The following CDH4 variants were observed in gnomAD, a reference collection of about 807,000 sequenced individuals.
CDH4 encodes the protein cadherin-4.
CDH4 carries 33 observed loss-of-function variants against 86.0 expected under a neutral mutation model. The observed-to-expected ratio is 0.38, with a 90% CI of 0.29 to 0.51. The LOEUF (loss-of-function observed/expected upper bound fraction) is 0.51. Ranked by LOEUF, CDH4 falls within the 20% of genes least tolerant of loss-of-function variation. The pLI, the probability that CDH4 is intolerant of heterozygous loss-of-function variation, is 0.86. For synonymous variants in CDH4, 555 were observed against 549.4 expected (o/e 1.01, Z -0.14); for missense variants, 1,114 against 1,307.4 (o/e 0.85, Z 2.28).
In CDH4 at chr20:61,807,843, C is replaced by T. The variant is rs1228762795; in HGVS notation, c.576+34661C>T. On this transcript the variant is annotated intron_variant, in intron 4 of 15. Transcript: ENST00000614565. The surrounding 1 kb of genome is among the most constrained non-coding windows in gnomAD (Gnocchi z 4.5). ...ACATATCCATGCAGGATGGTCAGTA[C>T]TGTCGCTTTCGTTAGGTTAGAGGCC... is the stretch of plus-strand genomic sequence containing the variant. 3.3e-5 allele frequency among the ~76,000 whole-genome samples: 5 copies of T among 152,198 alleles called. No individual in the cohort carries two copies. Among genetic ancestry groups the T allele is most frequent in the Non-Finnish European group, 7.3e-5 (5 of 68,028 alleles).
At chr20:61,885,281 C>A (rs1361813342) in intron 7 of CDH4, among the ~76,000 whole-genome samples, 1 of 152,204 alleles carries the variant, frequency 6.6e-6, no homozygotes, top group Admixed American at 6.5e-5. Flanking sequence ...ACCCCAGAAC[C>A]ATCCCATTTC....
chr20:61,463,229 G>T (rs936854148), intron 2 of CDH4, among the ~76,000 whole-genome samples: 1 of 152,106 alleles, frequency 6.6e-6, no homozygotes, highest in Non-Finnish European at 1.5e-5. Flanking sequence ...TTTATAAATT[G>T]CCCAGTTTCT....
intron 13 of CDH4, among the ~76,000 whole-genome samples, chr20:61,931,017 C>T (rs910204982): frequency 3.9e-5 from 6 of 152,232 alleles, no homozygotes; most frequent in Non-Finnish European, 4.4e-5. Context: ...GCCGGGGCCA[C>T]GGTCAACAGC....
chr20:61,706,960 A>T (rs1002446462), intron 2 of CDH4, among the ~76,000 whole-genome samples: 1 of 152,214 alleles, frequency 6.6e-6, no homozygotes, highest in African/African-American at 2.4e-5. Context: ...AAGCTCCTGG[A>T]TTCTGATTGC....
At chr20:61,785,971 C>T (rs568762414) in intron 4 of CDH4, among the ~76,000 whole-genome samples, 1 of 152,310 alleles carries the variant, frequency 6.6e-6, no homozygotes, top group South Asian at 2.1e-4. Context: ...GGAGGTATCC[C>T]AGGAGCCAGC....
chr20:61,293,132 G>A (rs1421310793), intron 2 of CDH4, among the ~76,000 whole-genome samples: 4 of 152,138 alleles, frequency 2.6e-5, no homozygotes, highest in Non-Finnish European at 5.9e-5. Flanking sequence ...AGGGAGGGCT[G>A]GTTCCTTCAG....
chr20:61,863,463 G>A (rs1270392958), intron 6 of CDH4, among the ~76,000 whole-genome samples: 3 of 152,212 alleles, frequency 2.0e-5, no homozygotes, highest in Admixed American at 6.5e-5. Flanking sequence ...CCAGGTTAGC[G>A]CAGATGCCAC....
chr20:61,349,209 A>T (rs2084696370), intron 2 of CDH4, among the ~76,000 whole-genome samples: 1 of 152,194 alleles, frequency 6.6e-6, no homozygotes, highest in African/African-American at 2.4e-5. Flanking sequence ...AGGAACAGAC[A>T]GCGGGGACCC....
chr20:61,713,412 C>G (rs535091918), intron 2 of CDH4, among the ~76,000 whole-genome samples: 2 of 152,214 alleles, frequency 1.3e-5, no homozygotes, highest in Non-Finnish European at 2.9e-5. Context: ...CCTGTGTACT[C>G]TAAGCGTGGA....
intron 3 of CDH4, among the ~76,000 whole-genome samples, chr20:61,759,114 T>G (rs1207908380): frequency 2.6e-5 from 4 of 152,180 alleles, no homozygotes; most frequent in Non-Finnish European, 5.9e-5. Flanking sequence ...ATATACACAC[T>G]TTGGGGAGCC....
At chr20:61,842,534 G>A (rs1342804097) in intron 4 of CDH4, among the ~76,000 whole-genome samples, 1 of 152,190 alleles carries the variant, frequency 6.6e-6, no homozygotes, top group Non-Finnish European at 1.5e-5. Flanking sequence ...TGCTAGTCAA[G>A]TTTTAAATTG....
rs535451513 is a variant in CDH4, at chr20:61,873,368, G to A, written c.878-360G>A. Among the ~76,000 whole-genome samples, 67 of 152,338 alleles carry A rather than the reference G, an allele frequency of 4.4e-4. 2 individuals carry two copies. The South Asian group carries it at 0.012, about 27-fold the overall frequency. On this transcript the variant is annotated intron_variant, in intron 6 of 15. Coordinates refer to ENST00000614565, the MANE Select transcript of CDH4 (RefSeq NM_001794.5). ...CTGCAGGAGTGGAAGCACCTTGGACGCACTGTCGGGGCCTCAGGCCACCCG... is the reference window on the plus strand; with the variant it reads ...CTGCAGGAGTGGAAGCACCTTGGACACACTGTCGGGGCCTCAGGCCACCCG...
intron 9 of CDH4, among the ~76,000 whole-genome samples, chr20:61,913,133 C>A (rs1188549505): frequency 6.6e-6 from 1 of 152,128 alleles, no homozygotes; most frequent in East Asian, 1.9e-4. Context: ...AACGGGCAGC[C>A]CCCGGCCCCA....
Position 61,518,584 on chromosome 20 carries a change from A to ATCATCCATCCATCATCATCCAC in CDH4, c.170-224965_170-224944dup, listed in dbSNP as rs2085843061. 6.6e-6 allele frequency among the ~76,000 whole-genome samples: 1 copy of ATCATCCATCCATCATCATCCAC among 151,636 alleles called. No homozygotes were observed. Among genetic ancestry groups the ATCATCCATCCATCATCATCCAC allele is most frequent in the South Asian group, 2.1e-4 (1 of 4,786 alleles). ...CTATTTGTCATCTATCCATCCATATATCATCCATCCATCATCATCCACTCA... is the reference window on the plus strand; with the variant it reads ...CTATTTGTCATCTATCCATCCATATATCATCCATCCATCATCATCCACTCATCCATCCATCATCATCCACTCA... On this transcript the variant is annotated intron_variant, in intron 2 of 15. Transcript: ENST00000614565. This position sits in a 1 kb window ranked among gnomAD's most constrained non-coding sequence, Gnocchi z 6.3.
rs182408148 is a variant in CDH4, at chr20:61,888,058, G to A, written c.1051-6852G>A. ...ATTTGTAAAGAACAAGAGAAACTTG[G>A]GTGAGAAATGAAGAGTGTCCACAGC... On this transcript the variant is annotated intron_variant, in intron 7 of 15. Coordinates refer to ENST00000614565, the MANE Select transcript of CDH4 (RefSeq NM_001794.5). Among the ~76,000 whole-genome samples, 15 of 152,300 alleles carry A rather than the reference G, an allele frequency of 9.8e-5. No individual in the cohort carries two copies. The East Asian group carries it at 2.9e-3, about 29-fold the overall frequency.
chr20:61,794,558 C>A (rs980701003), intron 4 of CDH4, among the ~76,000 whole-genome samples: 9 of 152,210 alleles, frequency 5.9e-5, no homozygotes, highest in Middle Eastern at 3.2e-3. Context: ...GGCAAAGAGT[C>A]ACAGGTGCTG....
intron 2 of CDH4, among the ~76,000 whole-genome samples, chr20:61,619,766 T>C (rs796928885): frequency 2.0e-5 from 3 of 152,334 alleles, no homozygotes; most frequent in African/African-American, 7.2e-5. Flanking sequence ...AGGTTGCCGA[T>C]GCCCGGGTGG....
chr20:61,859,875 G>A (rs1600718016), intron 6 of CDH4, among the ~76,000 whole-genome samples: 1 of 152,274 alleles, frequency 6.6e-6, no homozygotes, highest in Admixed American at 6.5e-5. Flanking sequence ...ACCAGGGTGG[G>A]AACATGCACA....
At chr20:61,291,031 C>T (rs752384736) in intron 2 of CDH4, among the ~76,000 whole-genome samples, 2 of 152,132 alleles carry the variant, frequency 1.3e-5, no homozygotes, top group South Asian at 2.1e-4. Flanking sequence ...GATCTTCCCT[C>T]GTGGGGCATC....
Sources: gnomAD v4.1 joint callset for allele counts (sites outside exome capture counted in the v4.1 genomes callset) on GRCh38, gnomAD v4.1.1 for gene constraint, Gnocchi (gnomAD v3.1) non-coding constraint, MANE v1.5 for transcripts, NCBI Gene and HGNC (gene_info 2026-07-23, HGNC 2026-07-21) for gene names.